The following TTC21A variants were observed in gnomAD, a reference collection of about 807,000 sequenced individuals.
The protein encoded by TTC21A is tetratricopeptide repeat domain 21A.
Under a neutral mutation model 156.4 loss-of-function variants are expected in TTC21A, and 128 were observed. The observed-to-expected ratio is 0.82, with a 90% CI of 0.71 to 0.95. TTC21A has a LOEUF of 0.95. TTC21A is among the 40% of genes least tolerant of loss of function. The probability of loss-of-function intolerance (pLI) is 0.00; values close to 1 mark genes in which losing one functional copy is unlikely to be tolerated. For missense variants in TTC21A, 1,435 were observed against 1,602.3 expected (o/e 0.90, Z 1.78); for synonymous variants, 587 against 617.1 (o/e 0.95, Z 0.72).
Position 39,137,180 on chromosome 3 carries a change from G to A in TTC21A, c.3258-15G>A, listed in dbSNP as rs755297659. Reference sequence around the variant, plus strand: ...CCACCGGCCTGTGTCTGATACCCAGGTCTAACACCTGCAGCTACATGGAGA... The same window carrying A: ...CCACCGGCCTGTGTCTGATACCCAGATCTAACACCTGCAGCTACATGGAGA... On this transcript the variant is annotated splice_polypyrimidine_tract_variant and intron_variant, in intron 24 of 28. Coordinates refer to ENST00000683103, the MANE Select transcript of TTC21A (RefSeq NM_001366900.1). 6.2e-7 allele frequency: 1 copy of A among 1,609,738 alleles called. No homozygotes were observed. Among genetic ancestry groups the A allele is most frequent in the South Asian group, 1.1e-5 (1 of 90,714 alleles).
At position 39,107,749 on chromosome 3, in the gene TTC21A, G is replaced by A. The variant is rs970435283; in HGVS notation, c.-89G>A. ...AGGACTGTAACGCCTTCAACCGCCC[G>A]CCGCGATAGAGTGCCCACGACCCTG... On this transcript the variant is annotated 5_prime_UTR_variant, in exon 1 of 29. Coordinates refer to ENST00000683103, the MANE Select transcript of TTC21A (RefSeq NM_001366900.1). The A allele has an allele frequency of 1.6e-5, 26 of 1,582,198 alleles. No homozygotes were observed. The highest frequency in any genetic ancestry group is 3.3e-4 in the Middle Eastern group (2 of 6,042).
intron 12 of TTC21A, among the ~76,000 whole-genome samples, chr3:39,128,035 C>T (rs957574304): frequency 1.3e-5 from 2 of 152,142 alleles, no homozygotes; most frequent in Non-Finnish European, 2.9e-5. Flanking sequence ...AATGTGTTCC[C>T]CTGAGCTTCT....
chr3:39,114,437 G>GT (rs2037103934), intron 5 of TTC21A, 148 bp from the exon 6 acceptor site: 11 of 722,482 alleles, frequency 1.5e-5, no homozygotes, highest in Non-Finnish European at 2.6e-5. Context: ...GAACTTTGAG[G>GT]GGCTACTGGC....
intron 1 of TTC21A, among the ~76,000 whole-genome samples, 191 bp from the exon 2 acceptor site, chr3:39,108,894 G>A (rs538984006): frequency 1.3e-5 from 2 of 152,268 alleles, no homozygotes; most frequent in South Asian, 2.1e-4. Context: ...CTCTTTCCTG[G>A]GAAAACTGCA....
In TTC21A at chr3:39,134,205, G is replaced by A. The variant is rs186084189; in HGVS notation, c.2752-13G>A. On this transcript the variant is annotated splice_polypyrimidine_tract_variant and intron_variant, in intron 20 of 28. Coordinates refer to ENST00000683103, the MANE Select transcript of TTC21A (RefSeq NM_001366900.1). The surrounding 1 kb of genome is among the most constrained non-coding windows in gnomAD (Gnocchi z 4.6). ...GTTTACTAGTTAGTTTATTATATCCGGCCTTGTCCCAGGTGATGCTGGAGC... is the reference window on the plus strand; with the variant it reads ...GTTTACTAGTTAGTTTATTATATCCAGCCTTGTCCCAGGTGATGCTGGAGC... 187 of 1,589,192 alleles carry A rather than the reference G, an allele frequency of 1.2e-4. 2 individuals carry two copies. In the East Asian group the frequency reaches 3.8e-3, roughly 33 times the overall value.
intron 10 of TTC21A, 42 bp from the exon 11 acceptor site, chr3:39,125,290 C>G (rs746761585): frequency 6.9e-6 from 11 of 1,600,078 alleles, no homozygotes; most frequent in Admixed American, 1.7e-5. Flanking sequence ...CAAATCTGCC[C>G]AGGCTGACAT....
rs769728425 is a variant in TTC21A at position 39,118,061 on chromosome 3, T to G, written c.717-8T>G. 2.4e-5 allele frequency: 39 copies of G among 1,607,902 alleles called. No individual in the cohort carries two copies. The African/African-American group carries it at 4.7e-4, about 19-fold the overall frequency. ...TCTCAATTCATGTGCCTCCTCTTCT[T>G]CCTTCAGAATCCTAGAAAAAGATGA... On this transcript the variant is annotated splice_polypyrimidine_tract_variant and splice_region_variant and intron_variant, in intron 6 of 28. Coordinates refer to ENST00000683103, the MANE Select transcript of TTC21A (RefSeq NM_001366900.1).
intron 7 of TTC21A, chr3:39,119,711 T>C (rs1047685845): frequency 3.4e-5 from 15 of 437,852 alleles, no homozygotes; most frequent in African/African-American, 2.9e-4. Context: ...GTGAATAATG[T>C]CCCCAGGAGT....
At position 39,130,399 on chromosome 3, in the gene TTC21A, C is replaced by A; in HGVS notation, c.2319+41C>A. The A allele has an allele frequency of 6.6e-7, 1 of 1,519,344 alleles. No individual in the cohort carries two copies. The highest frequency in any genetic ancestry group is 9.0e-7 in the Non-Finnish European group (1 of 1,106,124). 94.1% of individuals were successfully genotyped at this position (1,519,344 alleles called of 1,614,324 possible). A position where few individuals can be genotyped will look rare whatever the true frequency, so the allele number is the denominator to read the frequency against. On this transcript the variant is annotated intron_variant, in intron 17 of 28. Coordinates refer to ENST00000683103, the MANE Select transcript of TTC21A (RefSeq NM_001366900.1). The surrounding 1 kb of genome is among the most constrained non-coding windows in gnomAD (Gnocchi z 4.5). ...GGTGTGAAGGGGCAGGGAGGGCCAG[C>A]CCAGCAGGGAAGGAGGAGGACGGTA... is the stretch of plus-strand genomic sequence containing the variant.
rs1220662347 is a variant in TTC21A at position 39,107,789 on chromosome 3, C to T, written c.-49C>T. The T allele has an allele frequency of 6.2e-7, 1 of 1,611,156 alleles. No individual in the cohort carries two copies. The highest frequency in any genetic ancestry group is 1.3e-5 in the African/African-American group (1 of 74,932). ...CCACGACCCTGCCTCGGGAATCCCG[C>T]TCTGCACCGCCCCACCAGACCCGGA... On this transcript the variant is annotated 5_prime_UTR_variant, in exon 1 of 29. Transcript: ENST00000683103.
rs2036312170 is a variant in TTC21A at position 39,107,692 on chromosome 3, C to T, written c.-146C>T. ...TTCCTCCCACTCCAGACACTGGACG[C>T]TCCTAGCAACCGGCTAGCAGCTCGG... On this transcript the variant is annotated 5_prime_UTR_variant, in exon 1 of 29. Transcript: ENST00000683103. 3.8e-6 allele frequency: 5 copies of T among 1,329,994 alleles called. No individual in the cohort carries two copies. Among genetic ancestry groups the T allele is most frequent in the East Asian group, 2.4e-5 (1 of 41,982 alleles). 82.4% of individuals were successfully genotyped at this position (1,329,994 alleles called of 1,614,324 possible).
chr3:39,109,981 C>T (rs989698367), intron 2 of TTC21A, 48 bp from the exon 3 acceptor site: 6 of 1,405,984 alleles, frequency 4.3e-6, no homozygotes, highest in Non-Finnish European at 5.0e-6. Context: ...GTCTCATGTC[C>T]TCTAGTCCTG....
chr3:39,113,320 G>A (rs1402737858), intron 5 of TTC21A, among the ~76,000 whole-genome samples: 1 of 152,184 alleles, frequency 6.6e-6, no homozygotes, highest in Non-Finnish European at 1.5e-5. Context: ...AGATTATTGT[G>A]AGCCAGCTTA....
At chr3:39,110,386 G>C in intron 3 of TTC21A, 1 of 582,728 alleles carries the variant, frequency 1.7e-6, no homozygotes, top group Non-Finnish European at 3.1e-6. Context: ...CCATGCTCCA[G>C]ATCCCAAGAG....
chr3:39,126,512 ACACACACACT>A (rs2038264587), intron 12 of TTC21A, 122 bp downstream of exon 12: 1 of 991,180 alleles, frequency 1.0e-6, no homozygotes, highest in Non-Finnish European at 1.5e-6. Context: ...ACACACACAC[ACACACACACT>A]CTCCTTGCCT....
At chr3:39,126,454 C>T in intron 12 of TTC21A, 64 bp downstream of exon 12, 3 of 1,480,578 alleles carry the variant, frequency 2.0e-6, no homozygotes, top group Non-Finnish European at 9.3e-7. Flanking sequence ...TTTGTGTCTG[C>T]AGGCTCCTTG....
chr3:39,137,809 A>G, intron 26 of TTC21A, 99 bp downstream of exon 26: 2 of 1,293,228 alleles, frequency 1.5e-6, no homozygotes, highest in Non-Finnish European at 2.1e-6. Context: ...GCCATATGGA[A>G]TAAGAACTAG....
chr3:39,137,066 G>C lies in TTC21A; in HGVS notation c.3257+6G>C. On this transcript the variant is annotated splice_donor_region_variant and intron_variant, in intron 24 of 28. Transcript: ENST00000683103. ...AACCAGGGAGCTGAGAGCAAGTAAG[G>C]GCCCATGGAGGCAGGGGCGGAACCC... The C allele has an allele frequency of 1.2e-6, 2 of 1,613,140 alleles. No individual in the cohort carries two copies. Among genetic ancestry groups the C allele is most frequent in the Non-Finnish European group, 1.7e-6 (2 of 1,179,544 alleles).
At chr3:39,129,966 G>A in intron 15 of TTC21A, 113 bp from the exon 16 acceptor site, 1 of 1,093,782 alleles carries the variant, frequency 9.1e-7, no homozygotes, top group South Asian at 1.4e-5. Context: ...AATATTGATT[G>A]ATGAATGAAT....
Sources: gnomAD v4.1 joint callset for allele counts (sites outside exome capture counted in the v4.1 genomes callset) on GRCh38, gnomAD v4.1.1 for gene constraint, Gnocchi (gnomAD v3.1) non-coding constraint, MANE v1.5 for transcripts, NCBI Gene and HGNC (gene_info 2026-07-23, HGNC 2026-07-21) for gene names.